TSBP1: variants seen among roughly 807,000 people sequenced by gnomAD.
TSBP1 encodes the protein testis expressed basic protein 1.
TSBP1 carries 56 observed loss-of-function variants against 68.8 expected under a neutral mutation model. That is an observed-to-expected ratio of 0.81 (90% CI 0.66 to 1.02). TSBP1 has a LOEUF of 1.02. Among genes scored for constraint, TSBP1 ranks in the 50% least tolerant of loss-of-function variants. TSBP1 has a pLI of 0.00. For missense variants in TSBP1, 502 were observed against 641.2 expected (o/e 0.78, Z 2.34); for synonymous variants, 171 against 208.7 (o/e 0.82, Z 1.56).
chr6:32,317,680 T>G (rs907699035), intron 18 of TSBP1, among the ~76,000 whole-genome samples: 1 of 152,182 alleles, frequency 6.6e-6, no homozygotes. Flanking sequence ...AAGACGTACA[T>G]GCAGCTCACA....
In TSBP1 at chr6:32,333,072, G is replaced by A. The variant is rs1288088386; in HGVS notation, c.473-1018C>T. On this transcript the variant is annotated intron_variant, in intron 14 of 22. Transcript: ENST00000612031. The surrounding 1 kb of genome is among the most constrained non-coding windows in gnomAD (Gnocchi z 4.2). ...CGCCCAGGCTGGAATGCAGTGGCATGATCTCGGCTCACTGCAACCTCTGCC... is the reference window on the plus strand; with the variant it reads ...CGCCCAGGCTGGAATGCAGTGGCATAATCTCGGCTCACTGCAACCTCTGCC... Among the ~76,000 whole-genome samples the A allele has an allele frequency of 2.6e-5, 4 of 151,618 alleles. No individual in the cohort carries two copies. In the East Asian group the frequency reaches 7.7e-4, roughly 29 times the overall value.
At position 32,340,270 on chromosome 6, in the gene TSBP1, AT is replaced by A. The variant is rs923485147; in HGVS notation, c.350-633del. ...ATTTTAAGATGTTGAAAATTTTGCA[AT>A]TTTTTTTCTTAAAATAATTGAATAA... On this transcript the variant is annotated intron_variant, in intron 9 of 22. Coordinates refer to ENST00000612031, the Ensembl canonical transcript of TSBP1. The surrounding 1 kb of genome is among the most constrained non-coding windows in gnomAD (Gnocchi z 4.8). Among the ~76,000 whole-genome samples the A allele has an allele frequency of 2.0e-5, 3 of 151,892 alleles. No individual in the cohort carries two copies. The highest frequency in any genetic ancestry group is 4.8e-5 in the African/African-American group (2 of 41,326).
intron 18 of TSBP1, among the ~76,000 whole-genome samples, chr6:32,319,084 C>T (rs561019939): frequency 6.6e-6 from 1 of 152,224 alleles, no homozygotes; most frequent in African/African-American, 2.4e-5. Context: ...CATCTAGAAC[C>T]TAACATATGC....
intron 22 of TSBP1, 142 bp downstream of exon 25, chr6:32,299,780 A>T: frequency 1.4e-6 from 1 of 694,118 alleles, no homozygotes. Flanking sequence ...GCGGGGGGGA[A>T]CCTTGGAAGT....
At chr6:32,295,334 T>A (rs1440426995) in intron 22 of TSBP1, among the ~76,000 whole-genome samples, 3 of 97,492 alleles carry the variant, frequency 3.1e-5, no homozygotes, top group Non-Finnish European at 4.0e-5. Flanking sequence ...ATACTCCATC[T>A]CACACACACA....
At chr6:32,312,142 T>C (rs1766470487) in intron 19 of TSBP1, among the ~76,000 whole-genome samples, 1 of 152,166 alleles carries the variant, frequency 6.6e-6, no homozygotes. Flanking sequence ...CGAGTTCTTG[T>C]ATGTTCCTCC....
Position 32,339,208 on chromosome 6 carries a change from C to T in TSBP1, c.389-209G>A, listed in dbSNP as rs560566041. On this transcript the variant is annotated intron_variant, in intron 10 of 22. Coordinates refer to ENST00000612031, the Ensembl canonical transcript of TSBP1. Reference sequence around the variant, plus strand: ...TCTTATTCTTCATTTTCATTATCTTCCTGCTGTCAAATCCTTCTAAAGTTA... The same window carrying T: ...TCTTATTCTTCATTTTCATTATCTTTCTGCTGTCAAATCCTTCTAAAGTTA... 4.0e-4 allele frequency among the ~76,000 whole-genome samples: 50 copies of T among 123,774 alleles called. 1 individual carries two copies. The highest frequency in any genetic ancestry group is 3.9e-3 in the Middle Eastern group (1 of 256). 81.2% of individuals were successfully genotyped at this position (123,774 alleles called of 152,430 possible).
chr6:32,360,241 G>T (rs957440870), intron 6 of TSBP1, among the ~76,000 whole-genome samples: 7 of 151,640 alleles, frequency 4.6e-5, no homozygotes, highest in African/African-American at 1.7e-4. Context: ...AACTTTTTAA[G>T]GTTCCATATA....
chr6:32,365,486 T>C lies in TSBP1; in HGVS notation c.217+681A>G, dbSNP rs1045129634. ...CAAATGGCAGGCTTTCTGATGAGGC[T>C]TTCTGATGAGTGGGTTCTGCAGTCT... On this transcript the variant is annotated intron_variant, in intron 6 of 22. Coordinates refer to ENST00000612031, the Ensembl canonical transcript of TSBP1. The surrounding 1 kb of genome is among the most constrained non-coding windows in gnomAD (Gnocchi z 4.3). 9.6e-5 allele frequency: 44 copies of C among 456,584 alleles called. No individual in the cohort carries two copies. The highest frequency in any genetic ancestry group is 2.1e-4 in the East Asian group (3 of 14,402). The allele number at this position is 456,584 out of a possible 1,614,324, so 28.3% of individuals were successfully genotyped here. A position where few individuals can be genotyped will look rare whatever the true frequency, so the allele number is the denominator to read the frequency against.
At position 32,361,539 on chromosome 6, in the gene TSBP1, C is replaced by G. The variant is rs1399836921; in HGVS notation, c.217+4628G>C. Among the ~76,000 whole-genome samples, 1 of 152,152 alleles carries G rather than the reference C, an allele frequency of 6.6e-6. No homozygotes were observed. Among genetic ancestry groups the G allele is most frequent in the African/African-American group, 2.4e-5 (1 of 41,448 alleles). On this transcript the variant is annotated intron_variant, in intron 6 of 22. Coordinates refer to ENST00000612031, the Ensembl canonical transcript of TSBP1. This position sits in a 1 kb window ranked among gnomAD's most constrained non-coding sequence, Gnocchi z 4.3. ...TATTTCTCCATATCCTCTCCAGCAC[C>G]TGTTTCCTGACTTTTTAATGATTGC...
intron 22 of TSBP1, among the ~76,000 whole-genome samples, chr6:32,295,349 C>CAA (rs3038432): frequency 0.22 from 19,691 of 88,708 alleles, 2,615 homozygotes; most frequent in Middle Eastern, 0.34. Context: ...CACACACACA[C>CAA]AAAAAAAAAA....
Position 32,294,731 on chromosome 6 carries a change from GACT to G in TSBP1, c.638-699_638-697del, listed in dbSNP as rs138793379. Among the ~76,000 whole-genome samples the G allele has an allele frequency of 3.2e-3, 494 of 152,292 alleles. 15 individuals carry two copies. In the East Asian group the frequency reaches 0.069, roughly 21 times the overall value. Reference sequence around the variant, plus strand: ...GTGTTCAGTTTTGATCATTACTGTAGACTACTTCTTGCAATATCTGCAAACTCT... The same window carrying G: ...GTGTTCAGTTTTGATCATTACTGTAGACTTCTTGCAATATCTGCAAACTCT... On this transcript the variant is annotated intron_variant, in intron 22 of 22. Transcript: ENST00000612031.
Position 32,366,297 on chromosome 6 carries a change from G to A in TSBP1, c.172C>T (p.Arg58Ter), listed in dbSNP as rs776303760. 37 of 1,600,578 alleles carry A rather than the reference G, an allele frequency of 2.3e-5. No homozygotes were observed. The highest frequency in any genetic ancestry group is 2.9e-5 in the Non-Finnish European group (34 of 1,173,382). ...CCACTTTGTGTTGAATATGCATGTC[G>A]GGATCCTAAAAGAGAAGATAAAAAC... is the stretch of plus-strand genomic sequence containing the variant. The change falls in exon 5 of 23, where the codon CGA (arginine) becomes TGA (stop). Residue 58 changes from arginine (R) to a stop codon, truncating the protein, a stop_gained. Coordinates refer to ENST00000612031, the Ensembl canonical transcript of TSBP1. LOFTEE classifies it high-confidence loss of function.
chr6:32,313,720 T>C (rs1370856092), intron 19 of TSBP1, among the ~76,000 whole-genome samples: 2 of 152,184 alleles, frequency 1.3e-5, no homozygotes, highest in Non-Finnish European at 2.9e-5. Flanking sequence ...CCTAACTTCC[T>C]GGGTACACTG....
chr6:32,299,709 A>G (rs1323920420), intron 22 of TSBP1, among the ~76,000 whole-genome samples: 2 of 152,180 alleles, frequency 1.3e-5, no homozygotes, highest in Non-Finnish European at 2.9e-5. Context: ...ACTTGAGCCC[A>G]GGAATTCAAG....
Position 32,335,488 on chromosome 6 carries a change from C to CTA in TSBP1, c.452-33_452-32dup. On this transcript the variant is annotated intron_variant, in intron 13 of 22. Transcript: ENST00000612031. The surrounding 1 kb of genome is among the most constrained non-coding windows in gnomAD (Gnocchi z 5.5). ...AAAAAAAGAGAAAAGAAATCAGTAG[C>CTA]TATATATATATTTTATATATACTTT... 15 of 1,339,374 alleles carry CTA rather than the reference C, an allele frequency of 1.1e-5. No individual in the cohort carries two copies. Among genetic ancestry groups the CTA allele is most frequent in the South Asian group, 1.6e-5 (1 of 60,878 alleles). The allele number at this position is 1,339,374 out of a possible 1,614,324, so 83.0% of individuals were successfully genotyped here. A position where few individuals can be genotyped will look rare whatever the true frequency, so the allele number is the denominator to read the frequency against.
chr6:32,339,100 A>G, intron 10 of TSBP1, 101 bp from the exon 12 acceptor site: 2 of 960,476 alleles, frequency 2.1e-6, no homozygotes, highest in Non-Finnish European at 1.7e-6. Context: ...TTTGATTTAC[A>G]TGGAAAGGCA....
chr6:32,309,062 A>G (rs1387493901), intron 19 of TSBP1, among the ~76,000 whole-genome samples: 2 of 144,716 alleles, frequency 1.4e-5, no homozygotes, highest in African/African-American at 5.1e-5. Flanking sequence ...CAATCCTCCC[A>G]CCTCAGCCTA....
In TSBP1 at chr6:32,367,265, A is replaced by AGAGAGAGAGAGAGAGAGAG. The variant is rs9281758; in HGVS notation, c.166+659_166+660insCTCTCTCTCTCTCTCTCTC. ...GGAAAGAGAGAGAGAGAGAGAGAGA[A>AGAGAGAGAGAGAGAGAGAG]AGAGAGAGAGAGACAGCCGAGGGAA... On this transcript the variant is annotated intron_variant, in intron 4 of 22. Coordinates refer to ENST00000612031, the Ensembl canonical transcript of TSBP1. Among the ~76,000 whole-genome samples the AGAGAGAGAGAGAGAGAGAG allele has an allele frequency of 5.3e-3, 625 of 117,746 alleles. 15 individuals are homozygous for AGAGAGAGAGAGAGAGAGAG. Among genetic ancestry groups the AGAGAGAGAGAGAGAGAGAG allele is most frequent in the Admixed American group, 8.0e-3 (85 of 10,604 alleles). 77.2% of individuals were successfully genotyped at this position (117,746 alleles called of 152,430 possible).
Sources: gnomAD v4.1 joint callset for allele counts (sites outside exome capture counted in the v4.1 genomes callset) on GRCh38, gnomAD v4.1.1 for gene constraint, Gnocchi (gnomAD v3.1) non-coding constraint, MANE v1.5 for transcripts, NCBI Gene and HGNC (gene_info 2026-07-23, HGNC 2026-07-21) for gene names.